Variants in BANK1 observed in about 807,000 individuals in gnomAD.
BANK1 encodes B cell scaffold protein with ankyrin repeats 1.
In BANK1, 95 loss-of-function variants were observed where a neutral mutation model predicts 94.5. The observed-to-expected ratio is 1.00, with a 90% CI of 0.85 to 1.19. BANK1 has a LOEUF of 1.19. Among genes scored for constraint, BANK1 ranks in the 50% most tolerant of loss-of-function variants. BANK1 has a pLI of 0.00. For missense variants in BANK1, 987 were observed against 932.2 expected (o/e 1.06, Z -0.77); for synonymous variants, 334 against 308.4 (o/e 1.08, Z -0.87).
At chr4:102,018,030 A>T (rs146911726) in intron 7 of BANK1, among the ~76,000 whole-genome samples, 1 of 152,170 alleles carries the variant, frequency 6.6e-6, no homozygotes, top group African/African-American at 2.4e-5. Flanking sequence ...GGTCATATCC[A>T]TAGATAGCCT....
chr4:101,890,367 G>A (rs915593539), intron 5 of BANK1, among the ~76,000 whole-genome samples: 29 of 151,614 alleles, frequency 1.9e-4, no homozygotes, highest in African/African-American at 6.8e-4. Context: ...TATGTATTCA[G>A]GATTACTATG....
At chr4:101,952,597 A>T (rs1175220329) in intron 7 of BANK1, among the ~76,000 whole-genome samples, 3 of 152,260 alleles carry the variant, frequency 2.0e-5, no homozygotes, top group African/African-American at 7.2e-5. Flanking sequence ...AACATCCATT[A>T]TATTGTAGAC....
intron 2 of BANK1, among the ~76,000 whole-genome samples, chr4:101,846,139 C>T (rs1004193783): frequency 1.3e-5 from 2 of 151,950 alleles, no homozygotes; most frequent in Admixed American, 6.6e-5. Context: ...TGTTTATTGC[C>T]GCACTGTTCA....
intron 7 of BANK1, among the ~76,000 whole-genome samples, chr4:101,936,358 T>C (rs1723550273): frequency 6.7e-6 from 1 of 150,078 alleles, no homozygotes; most frequent in South Asian, 2.1e-4. Context: ...CATGTATACA[T>C]ACATGCATAT....
At chr4:101,895,941 A>G (rs914357781) in intron 6 of BANK1, among the ~76,000 whole-genome samples, 14 of 151,868 alleles carry the variant, frequency 9.2e-5, no homozygotes, top group Non-Finnish European at 1.9e-4. Context: ...AACAGCATAT[A>G]AGTTTATATA....
intron 7 of BANK1, among the ~76,000 whole-genome samples, chr4:102,018,361 T>A (rs1409897816): frequency 2.0e-5 from 3 of 152,186 alleles, no homozygotes; most frequent in African/African-American, 7.2e-5. Context: ...AAATCACTCA[T>A]AACCAACACT....
Position 101,836,546 on chromosome 4 carries a change from C to CA in BANK1, c.469+6347dup, listed in dbSNP as rs562537298. Among the ~76,000 whole-genome samples, 27 of 152,170 alleles carry CA rather than the reference C, an allele frequency of 1.8e-4. No homozygotes were observed. The South Asian group carries it at 5.6e-3, about 32-fold the overall frequency. On this transcript the variant is annotated intron_variant, in intron 2 of 16. Coordinates refer to ENST00000322953, the MANE Select transcript of BANK1 (RefSeq NM_017935.5). ...AAAAATATTTCAGCATTCTCAACCT[C>CA]AAAAAAACCCCACAAACCTAGAAAG...
At chr4:101,848,921 C>T (rs1299635370) in intron 2 of BANK1, among the ~76,000 whole-genome samples, 1 of 152,156 alleles carries the variant, frequency 6.6e-6, no homozygotes, top group Non-Finnish European at 1.5e-5. Context: ...TTCAGCGATG[C>T]AATCACTCCC....
At chr4:102,024,455 T>C (rs1727011942) in intron 8 of BANK1, among the ~76,000 whole-genome samples, 1 of 152,084 alleles carries the variant, frequency 6.6e-6, no homozygotes, top group Non-Finnish European at 1.5e-5. Context: ...TTTTTTCTGC[T>C]TTCTTCCTGA....
intron 6 of BANK1, among the ~76,000 whole-genome samples, chr4:101,896,128 T>C (rs1722069647): frequency 6.6e-6 from 1 of 151,984 alleles, no homozygotes; most frequent in Non-Finnish European, 1.5e-5. Flanking sequence ...GAAAAGTATA[T>C]GTAGGAGATA....
chr4:102,068,508 C>T (rs1241784279), intron 13 of BANK1, among the ~76,000 whole-genome samples: 2 of 152,030 alleles, frequency 1.3e-5, no homozygotes, highest in Non-Finnish European at 2.9e-5. Context: ...ATCCTACAGA[C>T]ATTAAAAACA....
In BANK1 at chr4:101,848,707, G is replaced by A. The variant is rs183201913; in HGVS notation, c.470-6328G>A. On this transcript the variant is annotated intron_variant, in intron 2 of 16. Transcript: ENST00000322953. Reference sequence around the variant, plus strand: ...TTATTTAATTTAGCTATTCAATCGTGATAGTAAAAACAAAACAGAACAAAA... The same window carrying A: ...TTATTTAATTTAGCTATTCAATCGTAATAGTAAAAACAAAACAGAACAAAA... Among the ~76,000 whole-genome samples the A allele has an allele frequency of 4.6e-5, 7 of 152,332 alleles. No homozygotes were observed. In the East Asian group the frequency reaches 1.2e-3, roughly 25 times the overall value.
Position 101,862,486 on chromosome 4 carries a change from T to C in BANK1, c.625-40T>C, listed in dbSNP as rs1357397926. ...AATGGGTTCTTTGGTTAATGTAAAC[T>C]TTTCCAAATGCTTAAATGGGTTACA... is the stretch of plus-strand genomic sequence containing the variant. On this transcript the variant is annotated intron_variant, in intron 3 of 16. Transcript: ENST00000322953. The C allele has an allele frequency of 8.4e-6, 13 of 1,551,120 alleles. No individual in the cohort carries two copies. In the African/African-American group the frequency reaches 1.8e-4, roughly 22 times the overall value.
intron 1 of BANK1, among the ~76,000 whole-genome samples, chr4:101,820,849 A>G (rs1390771680): frequency 6.6e-6 from 1 of 152,166 alleles, no homozygotes; most frequent in Non-Finnish European, 1.5e-5. Flanking sequence ...TGTATGTACC[A>G]CATTCTTTTT....
At chr4:102,004,052 A>G (rs1425442779) in intron 7 of BANK1, among the ~76,000 whole-genome samples, 1 of 151,752 alleles carries the variant, frequency 6.6e-6, no homozygotes, top group East Asian at 1.9e-4. Context: ...GGCACTGCCT[A>G]TTCCTTTTTT....
At position 101,977,829 on chromosome 4, in the gene BANK1, A is replaced by C. The variant is rs530230754; in HGVS notation, c.1207-43685A>C. 5.9e-5 allele frequency among the ~76,000 whole-genome samples: 9 copies of C among 152,322 alleles called. No individual in the cohort carries two copies. In the South Asian group the frequency reaches 1.0e-3, roughly 18 times the overall value. On this transcript the variant is annotated intron_variant, in intron 7 of 16. Coordinates refer to ENST00000322953, the MANE Select transcript of BANK1 (RefSeq NM_017935.5). ...TATTACAAGAATTGCTATTTTAAAA[A>C]TACCTGATTCTATTTAGTGTGCATG...
chr4:101,905,511 A>G (rs1578390156), intron 6 of BANK1, among the ~76,000 whole-genome samples: 1 of 152,186 alleles, frequency 6.6e-6, no homozygotes, highest in Admixed American at 6.5e-5. Flanking sequence ...TACATTGTGG[A>G]CATATTTCAG....
chr4:102,014,878 G>T (rs1379743715), intron 7 of BANK1, among the ~76,000 whole-genome samples: 1 of 152,006 alleles, frequency 6.6e-6, no homozygotes, highest in Non-Finnish European at 1.5e-5. Context: ...TCTTATTCAA[G>T]GTGTTTTATC....
At chr4:102,011,937 C>A (rs1374016294) in intron 7 of BANK1, among the ~76,000 whole-genome samples, 1 of 151,994 alleles carries the variant, frequency 6.6e-6, no homozygotes, top group African/African-American at 2.4e-5. Context: ...AACATAAAGG[C>A]CTTCTGATAA....
Sources: allele counts gnomAD v4.1 joint callset (sites outside exome capture counted in the v4.1 genomes callset), GRCh38; gene constraint gnomAD v4.1.1; transcripts MANE v1.5; gene names NCBI Gene and HGNC (gene_info 2026-07-23, HGNC 2026-07-21).